The following KSR2 variants were observed in gnomAD, a reference collection of about 807,000 sequenced individuals.
The protein encoded by KSR2 is kinase suppressor of ras 2.
KSR2 carries 25 observed loss-of-function variants against 107.8 expected under a neutral mutation model. The observed-to-expected ratio is 0.23, with a 90% CI of 0.17 to 0.32. The LOEUF (loss-of-function observed/expected upper bound fraction) is 0.32, where lower values mean the gene tolerates loss of function less well. Among genes scored for constraint, KSR2 ranks in the 10% least tolerant of loss-of-function variants. The pLI is 1.00. For missense variants in KSR2, 887 were observed against 1,268.9 expected, an observed-to-expected ratio of 0.70 and a Z score of 4.57; for synonymous variants, 480 against 507.0, an observed-to-expected ratio of 0.95 and a Z score of 0.71.
chr12:117,474,084 G>A (rs1871632588), intron 17 of KSR2, among the ~76,000 whole-genome samples: 2 of 152,082 alleles, frequency 1.3e-5, no homozygotes, highest in Non-Finnish European at 2.9e-5. Flanking sequence ...CAGAGAGCCG[G>A]GTCCTTCGGA....
In KSR2 at chr12:117,458,870, C is replaced by T. The variant is rs1490904139; in HGVS notation, c.*8329G>A. 4.6e-5 allele frequency: 7 copies of T among 152,162 alleles called. No individual in the cohort carries two copies. The highest frequency in any genetic ancestry group is 1.0e-4 in the Non-Finnish European group (7 of 68,054). The allele number at this position is 152,162 out of a possible 1,614,324, so 9.4% of individuals were successfully genotyped here. A position where few individuals can be genotyped will look rare whatever the true frequency, so the allele number is the denominator to read the frequency against. Reference sequence around the variant, plus strand: ...TTGGAGTCAGGCTCCTTTTCCTGCCCTTTATATGCAGCACCCCCTGACTTC... The same window carrying T: ...TTGGAGTCAGGCTCCTTTTCCTGCCTTTTATATGCAGCACCCCCTGACTTC... On this transcript the variant is annotated 3_prime_UTR_variant, in exon 20 of 20. Transcript: ENST00000339824.
rs537817439 is a variant in KSR2, at chr12:117,504,749, T to TA, written c.2220-19059dup. On this transcript the variant is annotated intron_variant, in intron 14 of 19. Transcript: ENST00000339824. ...CAGCCCACCCAGCACCAGAATCTTT[T>TA]AAAAAAATCTTTGTTAAAATTTCAG... Among the ~76,000 whole-genome samples, 41 of 152,268 alleles carry TA rather than the reference T, an allele frequency of 2.7e-4. 1 individual carries two copies. The South Asian group carries it at 8.3e-3, about 31-fold the overall frequency.
chr12:117,742,831 C>A (rs1888272975), intron 4 of KSR2, among the ~76,000 whole-genome samples: 1 of 152,184 alleles, frequency 6.6e-6, no homozygotes. Flanking sequence ...CAGAGACTCT[C>A]TCTTCTTAAC....
intron 3 of KSR2, among the ~76,000 whole-genome samples, chr12:117,772,571 CAT>C (rs944295953): frequency 6.7e-6 from 1 of 148,648 alleles, no homozygotes; most frequent in Non-Finnish European, 1.5e-5. Context: ...AACACACACT[CAT>C]ACACACACAC....
chr12:117,647,837 G>A (rs1052873221), intron 5 of KSR2, among the ~76,000 whole-genome samples: 3 of 152,000 alleles, frequency 2.0e-5, no homozygotes, highest in East Asian at 1.9e-4. Flanking sequence ...CCTGAGTAGC[G>A]GGGACAACAG....
chr12:117,876,288 A>G (rs1408003041), intron 1 of KSR2, among the ~76,000 whole-genome samples: 1 of 152,210 alleles, frequency 6.6e-6, no homozygotes. Flanking sequence ...TGCATCCACA[A>G]GAAAATCCCC....
chr12:117,548,659 C>T (rs1047524336), intron 9 of KSR2, among the ~76,000 whole-genome samples: 2 of 152,088 alleles, frequency 1.3e-5, no homozygotes, highest in African/African-American at 2.4e-5. Flanking sequence ...CCACATTTTT[C>T]AAGGGTCAAC....
intron 1 of KSR2, among the ~76,000 whole-genome samples, chr12:117,934,418 G>T (rs576634694): frequency 1.3e-5 from 2 of 152,194 alleles, no homozygotes; most frequent in Non-Finnish European, 2.9e-5. Context: ...GTGATAAAAT[G>T]CAAGTGTGGC....
chr12:117,838,085 A>C (rs757763770), intron 3 of KSR2, among the ~76,000 whole-genome samples: 2 of 152,198 alleles, frequency 1.3e-5, no homozygotes, highest in Non-Finnish European at 2.9e-5. Context: ...TCCAAAGACA[A>C]CGAGATGTGG....
intron 4 of KSR2, among the ~76,000 whole-genome samples, chr12:117,710,106 A>G (rs935111351): frequency 6.6e-6 from 1 of 152,322 alleles, no homozygotes; most frequent in Admixed American, 6.5e-5. Context: ...TGGAATATTG[A>G]ATCGAGCCCT....
chr12:117,604,751 T>A (rs1804989722), intron 5 of KSR2, among the ~76,000 whole-genome samples: 1 of 152,146 alleles, frequency 6.6e-6, no homozygotes. Context: ...TCATGCTAGG[T>A]TGGTATGTGG....
chr12:117,854,096 C>G (rs893022565), intron 3 of KSR2, among the ~76,000 whole-genome samples: 1 of 152,156 alleles, frequency 6.6e-6, no homozygotes, highest in African/African-American at 2.4e-5. Context: ...AATCAATGTC[C>G]TGGGCTCAAG....
At chr12:117,480,949 G>C (rs1044168606) in intron 16 of KSR2, among the ~76,000 whole-genome samples, 11 of 152,198 alleles carry the variant, frequency 7.2e-5, no homozygotes, top group Non-Finnish European at 8.8e-5. Context: ...GTAAGCCTGG[G>C]ACCTTGAAAG....
chr12:117,504,458 C>T (rs1015438478), intron 14 of KSR2, among the ~76,000 whole-genome samples: 2 of 152,144 alleles, frequency 1.3e-5, no homozygotes, highest in South Asian at 2.1e-4. Flanking sequence ...CTCTTAACTC[C>T]GGGGCACTAA....
rs34973454 is a variant in KSR2, at chr12:117,749,120, C to CA, written c.986+11890dup. Among the ~76,000 whole-genome samples, 93 of 106,018 alleles carry CA rather than the reference C, an allele frequency of 8.8e-4. 7 individuals are homozygous for CA. Among genetic ancestry groups the CA allele is most frequent in the Non-Finnish European group, 1.5e-3 (86 of 55,634 alleles). 69.6% of individuals were successfully genotyped at this position (106,018 alleles called of 152,430 possible). On this transcript the variant is annotated intron_variant, in intron 4 of 19. Coordinates refer to ENST00000339824, the MANE Select transcript of KSR2 (RefSeq NM_173598.6). ...ACTCAGATTGAACATGCTCCACTGG[C>CA]AAAAAAAAAAAAAAAAGCAAACGAA...
intron 4 of KSR2, among the ~76,000 whole-genome samples, chr12:117,725,173 A>T (rs1344518501): frequency 7.9e-5 from 12 of 152,116 alleles, no homozygotes; most frequent in Non-Finnish European, 1.5e-4. Flanking sequence ...AATAACAAGA[A>T]GCAAAATATA....
At chr12:117,876,147 C>G (rs1281458697) in intron 1 of KSR2, among the ~76,000 whole-genome samples, 1 of 152,214 alleles carries the variant, frequency 6.6e-6, no homozygotes, top group African/African-American at 2.4e-5. Context: ...GCGGCAGCCA[C>G]AGCCAGCAGC....
Position 117,717,665 on chromosome 12 carries a change from A to AT in KSR2, c.986+43345_986+43346insA, listed in dbSNP as rs1565977114. On this transcript the variant is annotated intron_variant, in intron 4 of 19. Transcript: ENST00000339824. ...TCCATGTGGCATGTGTGGGGCAGACAGGTGTGTGTGTGTGTGTGTGTGTGT... is the reference window on the plus strand; with the variant it reads ...TCCATGTGGCATGTGTGGGGCAGACATGGTGTGTGTGTGTGTGTGTGTGTGT... Among the ~76,000 whole-genome samples the AT allele has an allele frequency of 8.1e-3, 1,068 of 132,626 alleles. 9 individuals carry two copies. Among genetic ancestry groups the AT allele is most frequent in the Middle Eastern group, 0.027 (7 of 256 alleles). 87.0% of individuals were successfully genotyped at this position (132,626 alleles called of 152,430 possible). A position where few individuals can be genotyped will look rare whatever the true frequency, so the allele number is the denominator to read the frequency against.
intron 1 of KSR2, among the ~76,000 whole-genome samples, chr12:117,861,439 A>AGTGCAGTG: frequency 8.8e-6 from 1 of 113,330 alleles, no homozygotes; most frequent in Non-Finnish European, 1.6e-5. Flanking sequence ...CCCAGGCTGG[A>AGTGCAGTG]GTGCAGTGGC....
Sources: gnomAD v4.1 joint callset for allele counts (sites outside exome capture counted in the v4.1 genomes callset) on GRCh38, gnomAD v4.1.1 for gene constraint, MANE v1.5 for transcripts, NCBI Gene and HGNC (gene_info 2026-07-23, HGNC 2026-07-21) for gene names.